PKN3: variants seen among roughly 807,000 people sequenced by gnomAD.
PKN3 encodes the protein serine/threonine-protein kinase N3.
In PKN3, 91 loss-of-function variants were observed where a neutral mutation model predicts 113.1. The observed-to-expected ratio is 0.80, with a 90% CI of 0.68 to 0.96. The LOEUF (loss-of-function observed/expected upper bound fraction) is 0.96, where lower values mean the gene tolerates loss of function less well. Among genes scored for constraint, PKN3 ranks in the 40% least tolerant of loss-of-function variants. The pLI, the probability that PKN3 is intolerant of heterozygous loss-of-function variation, is 0.00. For missense variants in PKN3, 1,052 were observed against 1,202.2 expected (o/e 0.88, Z 1.85); for synonymous variants, 467 against 499.0 (o/e 0.94, Z 0.85).
chr9:128,718,294 G>A, intron 16 of PKN3, 31 bp from the exon 17 acceptor site: 3 of 1,600,808 alleles, frequency 1.9e-6, no homozygotes. Context: ...GTGTGTCTTG[G>A]GCCTGAGTTC....
In PKN3 at chr9:128,715,408, G is replaced by A. The variant is rs1380355987; in HGVS notation, c.1756G>A (p.Ala586Thr). 5.6e-6 allele frequency: 9 copies of A among 1,613,886 alleles called. No individual in the cohort carries two copies. Among genetic ancestry groups the A allele is most frequent in the Non-Finnish European group, 7.6e-6 (9 of 1,179,990 alleles). ...VQFKGTGKYY[A>T]IKALKKQEVL... ...GTTCAAGGGGACAGGGAAATACTACGCCATCAAAGCACTGAAGAAGCAGGA... is the reference window on the plus strand; with the variant it reads ...GTTCAAGGGGACAGGGAAATACTACACCATCAAAGCACTGAAGAAGCAGGA... Residue 586 changes from alanine to threonine, a missense_variant, in exon 15 of 22, where the codon GCC becomes ACC. Ala to Thr is a moderately conservative substitution (Grantham distance 58, BLOSUM62 0). Around this residue, in one of 2 missense-constraint regions of PKN3, gnomAD observed 333 missense variants for 442.8 expected, o/e 0.75. Coordinates refer to ENST00000291906, the MANE Select transcript of PKN3 (RefSeq NM_013355.5). The surrounding 1 kb of genome is among the most constrained non-coding windows in gnomAD (Gnocchi z 4.1).
At chr9:128,711,435 T>C (rs1485273721) in intron 6 of PKN3, among the ~76,000 whole-genome samples, 1 of 151,440 alleles carries the variant, frequency 6.6e-6, no homozygotes, top group Non-Finnish European at 1.5e-5. Flanking sequence ...GCCTCTCGAG[T>C]AGCTGGGACT....
In PKN3 at chr9:128,714,586, C is replaced by T. The variant is rs567670247; in HGVS notation, c.1506C>T (p.Pro502=). 9.2e-6 allele frequency: 12 copies of T among 1,302,508 alleles called. No homozygotes were observed. In the African/African-American group the frequency reaches 1.3e-4, roughly 14 times the overall value. 80.7% of individuals were successfully genotyped at this position (1,302,508 alleles called of 1,614,324 possible). ...GTAATTTCCTGCCCAAGAAGACCCC[C>T]TTGGGTGAAGAGATGACACCCCCAC... The part of the protein sequence containing the change: ...TPSNFLPKKT[P]LGEEMTPPPK... Residue 502 remains proline, a synonymous_variant, in exon 12 of 22, where the codon CCC becomes CCT. Coordinates refer to ENST00000291906, the MANE Select transcript of PKN3 (RefSeq NM_013355.5).
At chr9:128,705,913 T>C (rs1862003111) in intron 3 of PKN3, 34 bp downstream of exon 3, 2 of 1,540,926 alleles carry the variant, frequency 1.3e-6, no homozygotes, top group East Asian at 2.3e-5. Context: ...AGGAGCACCC[T>C]GGCCCCTGGT....
chr9:128,713,935 C>G, intron 9 of PKN3, 111 bp from the exon 10 acceptor site: 1 of 1,109,668 alleles, frequency 9.0e-7, no homozygotes, highest in Non-Finnish European at 1.4e-6. Context: ...CTTTCTGGCT[C>G]TTGCATCTGT....
chr9:128,720,264 A>T lies in PKN3; in HGVS notation c.2438A>T (p.Lys813Met). 6.2e-7 allele frequency: 1 copy of T among 1,613,964 alleles called. No individual in the cohort carries two copies. The highest frequency in any genetic ancestry group is 1.6e-4 in the Middle Eastern group (1 of 6,062). Residue 813 changes from lysine to methionine, a missense_variant, in exon 21 of 22, where the codon AAG becomes ATG. By Grantham distance (95) the Lys-to-Met change is moderately conservative. This residue lies in a region of PKN3 where 333 missense variants were observed against 442.8 expected (regional missense o/e 0.75). Transcript: ENST00000291906. The surrounding 1 kb of genome is among the most constrained non-coding windows in gnomAD (Gnocchi z 5.5). Reference protein sequence around the residue: ...GAGEQDAEEIKVQPFFRTTNW... With the variant: ...GAGEQDAEEIMVQPFFRTTNW... ...GGTGAGCAGGATGCCGAGGAGATCA[A>T]GGTCCAGCCATTCTTCAGGGTGAGC...
intron 15 of PKN3, among the ~76,000 whole-genome samples, chr9:128,716,146 A>C (rs1388925964): frequency 6.6e-6 from 1 of 151,928 alleles, no homozygotes; most frequent in East Asian, 1.9e-4. Context: ...CCTCTACAAA[A>C]AATACAAAAA....
chr9:128,705,335 G>C lies in PKN3; in HGVS notation c.57G>C (p.Glu19Asp), dbSNP rs1342506615. ...PGPSQWPPED[E>D]KEVIRRAIQK... ...CGAGCCAGTGGCCCCCAGAGGATGA[G>C]AAGGAGGTGATCCGCCGGGCCATCC... is the stretch of plus-strand genomic sequence containing the variant. Residue 19 changes from glutamate to aspartate, a missense_variant, in exon 2 of 22, where the codon GAG becomes GAC. Physicochemically the swap from Glu to Asp is conservative, Grantham distance 45. Transcript: ENST00000291906. 2 of 1,568,080 alleles carry C rather than the reference G, an allele frequency of 1.3e-6. No individual in the cohort carries two copies. Among genetic ancestry groups the C allele is most frequent in the Non-Finnish European group, 1.7e-6 (2 of 1,158,018 alleles).
intron 18 of PKN3, 70 bp from the exon 19 acceptor site, chr9:128,719,616 A>G: frequency 6.9e-7 from 1 of 1,457,830 alleles, no homozygotes; most frequent in Non-Finnish European, 9.2e-7. Context: ...TGGCATCATA[A>G]GGCTTGGCTA....
chr9:128,706,385 A>G (rs1235172165), intron 3 of PKN3, among the ~76,000 whole-genome samples: 2 of 147,220 alleles, frequency 1.4e-5, no homozygotes, highest in African/African-American at 5.1e-5. Flanking sequence ...TGGGGGAGGC[A>G]TGACCACAGC....
In PKN3 at chr9:128,715,258, A is replaced by G. The variant is rs1350037146; in HGVS notation, c.1716+23A>G. 6.2e-7 allele frequency: 1 copy of G among 1,612,758 alleles called. No homozygotes were observed. The highest frequency in any genetic ancestry group is 1.1e-5 in the South Asian group (1 of 91,050). ...AAGGTAGTGGGCTGAAGAGGGTGGT[A>G]TGGGACGGGATTGGGGGCCTCATCA... is the stretch of plus-strand genomic sequence containing the variant. On this transcript the variant is annotated intron_variant, in intron 14 of 21. Transcript: ENST00000291906. This position sits in a 1 kb window ranked among gnomAD's most constrained non-coding sequence, Gnocchi z 4.1.
intron 6 of PKN3, 92 bp downstream of exon 6, chr9:128,707,497 C>T (rs1356182922): frequency 6.4e-6 from 7 of 1,086,602 alleles, no homozygotes; most frequent in Non-Finnish European, 7.8e-6. Context: ...TCAAGAGTTC[C>T]AGTCCTGCCC....
chr9:128,715,040 C>A lies in PKN3; in HGVS notation c.1653-132C>A. The A allele has an allele frequency of 9.1e-7, 1 of 1,099,278 alleles. No homozygotes were observed. Among genetic ancestry groups the A allele is most frequent in the Non-Finnish European group, 1.4e-6 (1 of 730,504 alleles). 68.1% of individuals were successfully genotyped at this position (1,099,278 alleles called of 1,614,324 possible). On this transcript the variant is annotated intron_variant, in intron 13 of 21. Transcript: ENST00000291906. This position sits in a 1 kb window ranked among gnomAD's most constrained non-coding sequence, Gnocchi z 4.1. ...CAGCTCTATGCCGGCTTCTAGGAGT[C>A]CTTACTGCAGGGCTTTTTCGAGCCC...
Position 128,702,780 on chromosome 9 carries a change from C to G in PKN3, c.-136C>G, listed in dbSNP as rs1861891554. ...GCTGGTCCCGCGGGCCAGCGGGTCT[C>G]GGGAGGGGGCGCCCGATCCCGCGTC... On this transcript the variant is annotated 5_prime_UTR_variant, in exon 1 of 22. Coordinates refer to ENST00000291906, the MANE Select transcript of PKN3 (RefSeq NM_013355.5). 4.5e-6 allele frequency: 3 copies of G among 673,834 alleles called. No individual in the cohort carries two copies. The East Asian group carries it at 1.0e-4, about 23-fold the overall frequency. The allele number at this position is 673,834 out of a possible 1,614,324, so 41.7% of individuals were successfully genotyped here.
Position 128,713,059 on chromosome 9 carries a change from G to C in PKN3, c.843G>C (p.Leu281=). The C allele has an allele frequency of 6.2e-7, 1 of 1,606,040 alleles. No individual in the cohort carries two copies. Among genetic ancestry groups the C allele is most frequent in the Non-Finnish European group, 8.5e-7 (1 of 1,175,088 alleles). Residue 281 remains leucine (L), a synonymous_variant, in exon 7 of 22, where the codon CTG becomes CTC. Coordinates refer to ENST00000291906, the MANE Select transcript of PKN3 (RefSeq NM_013355.5). The stretch of plus-strand genomic sequence containing the variant: ...CGCTCACTCTCCCCACAGGGACACT[G>C]CAGGTCCGCCTCCTGGGCTGTGAAC... ...PVKPTALTGT[L]QVRLLGCEQL...
At position 128,714,337 on chromosome 9, in the gene PKN3, C is replaced by T. The variant is rs200637064; in HGVS notation, c.1453C>T (p.Arg485Ter). 4 of 1,606,140 alleles carry T rather than the reference C, an allele frequency of 2.5e-6. No homozygotes were observed. Among genetic ancestry groups the T allele is most frequent in the Non-Finnish European group, 3.4e-6 (4 of 1,175,574 alleles). Residue 485 changes from arginine (R) to a stop codon, truncating the protein, a stop_gained, in exon 11 of 22, where the codon CGA (arginine) becomes TGA (stop). Transcript: ENST00000291906. LOFTEE classifies it high-confidence loss of function. ...ATGCCCTCGGACCCCAACAACACTG[C>T]GAGAGGCCTCTGACCCTGCCACTCC... Reference protein sequence around the residue: ...KGCPRTPTTLREASDPATPSN... With the variant: ...KGCPRTPTTL
At position 128,713,529 on chromosome 9, in the gene PKN3, C is replaced by T. The variant is rs1047193647; in HGVS notation, c.1123C>T (p.Arg375Trp). 2 of 1,613,850 alleles carry T rather than the reference C, an allele frequency of 1.2e-6. No homozygotes were observed. Among genetic ancestry groups the T allele is most frequent in the East Asian group, 2.2e-5 (1 of 44,884 alleles). Reference protein sequence around the residue: ...ARELEIGVHWRDWRQLCGVAF... With the variant: ...ARELEIGVHWWDWRQLCGVAF... ...TGAGCTGGAGATTGGGGTACACTGGCGGGACTGGCGGCAGCTATGTGGCGT... is the reference window on the plus strand; with the variant it reads ...TGAGCTGGAGATTGGGGTACACTGGTGGGACTGGCGGCAGCTATGTGGCGT... The change falls in exon 9 of 22, where the codon CGG becomes TGG. Residue 375 changes from arginine to tryptophan, a missense_variant. By Grantham distance (101) the Arg-to-Trp change is moderately radical. Coordinates refer to ENST00000291906, the MANE Select transcript of PKN3 (RefSeq NM_013355.5).
chr9:128,719,996 A>G lies in PKN3; in HGVS notation c.2355A>G (p.Gln785=). Residue 785 remains glutamine, a synonymous_variant, in exon 20 of 22, where the codon CAA becomes CAG. Transcript: ENST00000291906. Reference sequence around the variant, plus strand: ...CCTACCCCGGCTTTCTGTCGGTGCAAGGGCTTGAGTTCATTCAGAAGGTAA... The same window carrying G: ...CCTACCCCGGCTTTCTGTCGGTGCAGGGGCTTGAGTTCATTCAGAAGGTAA... ...DAPYPGFLSV[Q]GLEFIQKLLQ... is the part of the protein sequence containing the mutation. 6.2e-7 allele frequency: 1 copy of G among 1,613,880 alleles called. No individual in the cohort carries two copies. The highest frequency in any genetic ancestry group is 8.5e-7 in the Non-Finnish European group (1 of 1,179,866).
chr9:128,704,045 C>T (rs1028533583), intron 1 of PKN3: 16 of 933,950 alleles, frequency 1.7e-5, no homozygotes, highest in South Asian at 5.3e-5. Context: ...CCAGCAGGCC[C>T]CGCTGAGGTC....
Sources: allele counts gnomAD v4.1 joint callset (sites outside exome capture counted in the v4.1 genomes callset), GRCh38; gene constraint gnomAD v4.1.1; regional missense constraint gnomAD v4.1.1; non-coding constraint Gnocchi (gnomAD v3.1); transcripts MANE v1.5; gene names NCBI Gene and HGNC (gene_info 2026-07-23, HGNC 2026-07-21).